Variants in DMD observed in about 807,000 individuals in gnomAD.
DMD encodes dystrophin.
Under a neutral mutation model 330.1 loss-of-function variants are expected in DMD, and 63 were observed. That is an observed-to-expected ratio of 0.19 (90% CI 0.16 to 0.24). The LOEUF is 0.24. Among genes scored for constraint, DMD ranks in the 10% least tolerant of loss-of-function variants. The probability of loss-of-function intolerance (pLI) is 1.00; values close to 1 mark genes in which losing one functional copy is unlikely to be tolerated. For missense variants in DMD, 3,344 were observed against 2,684.1 expected, an observed-to-expected ratio of 1.25 and a Z score of -5.43; for synonymous variants, 1,223 against 959.8, an observed-to-expected ratio of 1.27 and a Z score of -5.07.
intron 12 of DMD, among the ~76,000 whole-genome samples, chrX:32,597,091 G>C (rs964998486): frequency 9.0e-6 from 1 of 111,500 alleles, no homozygotes; most frequent in Admixed American, 9.6e-5. Context: ...AATGTGTCAA[G>C]CTGTTCCCTC....
chrX:32,140,078 A>T (rs969328874), intron 44 of DMD, among the ~76,000 whole-genome samples: 3 of 112,192 alleles, frequency 2.7e-5, no homozygotes, highest in African/African-American at 9.7e-5. Flanking sequence ...TCTTGTTTAC[A>T]TCCTACTTCC....
At chrX:31,953,304 G>C (rs958263577) in intron 45 of DMD, among the ~76,000 whole-genome samples, 2 of 111,856 alleles carry the variant, frequency 1.8e-5, no homozygotes, top group Admixed American at 1.9e-4. Context: ...GGTCTCCACC[G>C]TTACTGACAA....
chrX:32,071,423 C>T (rs1447869125), intron 44 of DMD, among the ~76,000 whole-genome samples: 3 of 104,618 alleles, frequency 2.9e-5, no homozygotes, highest in African/African-American at 1.1e-4. Flanking sequence ...AAACCAAACA[C>T]CGCATGTTCT....
At chrX:32,482,734 T>A (rs1218578059) in intron 21 of DMD, among the ~76,000 whole-genome samples, 3 of 111,727 alleles carry the variant, frequency 2.7e-5, no homozygotes, top group Non-Finnish European at 5.7e-5. Flanking sequence ...CTCTGAGGGT[T>A]AGGTAAAATG....
chrX:31,149,133 AT>A (rs1464316242), intron 74 of DMD, among the ~76,000 whole-genome samples: 1 of 112,249 alleles, frequency 8.9e-6, no homozygotes, highest in African/African-American at 3.2e-5. Context: ...CCCAGAATCT[AT>A]TTTTGTGCTT....
intron 55 of DMD, among the ~76,000 whole-genome samples, chrX:31,569,107 G>A (rs2075619673): frequency 9.0e-6 from 1 of 110,890 alleles, no homozygotes; most frequent in Non-Finnish European, 1.9e-5. Context: ...TGGTGTTAAA[G>A]TTTTCACTTC....
At chrX:32,429,763 A>G (rs765443955) in intron 29 of DMD, among the ~76,000 whole-genome samples, 4 of 109,723 alleles carry the variant, frequency 3.6e-5, no homozygotes, top group African/African-American at 1.3e-4. Flanking sequence ...CTCTTTCTAA[A>G]TAAAAGGGCT....
chrX:33,247,655 ATTTTG>A (rs1051585416), intron 1 of DMD, among the ~76,000 whole-genome samples: 8 of 112,008 alleles, frequency 7.1e-5, no homozygotes, highest in South Asian at 3.7e-4. Context: ...CAGAAAATAT[ATTTTG>A]TTTTAAGTTA....
Position 32,381,797 on chromosome X carries a change from A to T in DMD, c.4675-1117T>A, listed in dbSNP as rs916627057. On this transcript the variant is annotated intron_variant, in intron 33 of 78. Transcript: ENST00000357033. ...TTGGTATGTGTTTTCACCTTTTTTT[A>T]AAAAAAACCCTTGTCTGTCATGAAG... Among the ~76,000 whole-genome samples the T allele has an allele frequency of 8.1e-4, 89 of 110,460 alleles. 1 individual carries two copies. The highest frequency in any genetic ancestry group is 1.2e-3 in the Non-Finnish European group (61 of 52,446).
intron 44 of DMD, among the ~76,000 whole-genome samples, chrX:32,164,090 T>C (rs1288531093): frequency 9.0e-6 from 1 of 111,268 alleles, no homozygotes; most frequent in Non-Finnish European, 1.9e-5. Flanking sequence ...ATATCAATTT[T>C]GGCTCGGCAC....
chrX:31,141,815 G>A (rs1017422474), intron 76 of DMD, among the ~76,000 whole-genome samples: 1 of 111,660 alleles, frequency 9.0e-6, no homozygotes, highest in African/African-American at 3.3e-5. Flanking sequence ...AGAGTTGTCA[G>A]CATAGCAGAA....
At chrX:32,548,534 T>A (rs746707406) in intron 16 of DMD, among the ~76,000 whole-genome samples, 2 of 111,735 alleles carry the variant, frequency 1.8e-5, no homozygotes, top group South Asian at 7.3e-4. Context: ...GGATGGAGTA[T>A]TATATTTCAA....
At chrX:33,049,668 A>T (rs1366837741) in intron 1 of DMD, among the ~76,000 whole-genome samples, 1 of 111,166 alleles carries the variant, frequency 9.0e-6, no homozygotes, top group Admixed American at 9.6e-5. Context: ...AAACTTGGCC[A>T]CTATGGAATA....
At chrX:33,046,433 C>T (rs1490745301) in intron 1 of DMD, among the ~76,000 whole-genome samples, 1 of 111,396 alleles carries the variant, frequency 9.0e-6, no homozygotes, top group Non-Finnish European at 1.9e-5. Flanking sequence ...ATGTGCTCCC[C>T]AAAATAATTT....
chrX:32,741,684 G>A (rs558654109), intron 7 of DMD, among the ~76,000 whole-genome samples: 57 of 111,916 alleles, frequency 5.1e-4, no homozygotes, highest in African/African-American at 1.7e-3. Context: ...AAATGTGCAT[G>A]AGAGGGTCCA....
intron 1 of DMD, among the ~76,000 whole-genome samples, chrX:33,056,994 G>T (rs2148046814): frequency 9.0e-6 from 1 of 111,395 alleles, no homozygotes; most frequent in African/African-American, 3.3e-5. Flanking sequence ...CATAAAAAAT[G>T]TACTAAAGGC....
At chrX:31,290,636 T>C (rs1032926771) in intron 62 of DMD, among the ~76,000 whole-genome samples, 2 of 111,838 alleles carry the variant, frequency 1.8e-5, no homozygotes, top group Admixed American at 1.9e-4. Context: ...AAAAGTGTGT[T>C]CATATGAATA....
chrX:33,254,795 G>C (rs953861779), intron 1 of DMD, among the ~76,000 whole-genome samples: 3 of 110,265 alleles, frequency 2.7e-5, no homozygotes, highest in African/African-American at 9.8e-5. Flanking sequence ...TTGATTTCAT[G>C]AGTTAAATTT....
In DMD at chrX:32,404,335, A is replaced by G. The variant is rs141219059; in HGVS notation, c.4233+7417T>C. Among the ~76,000 whole-genome samples, 688 of 111,630 alleles carry G rather than the reference A, an allele frequency of 6.2e-3. 4 individuals carry two copies. The highest frequency in any genetic ancestry group is 0.021 in the African/African-American group (633 of 30,789). On this transcript the variant is annotated intron_variant, in intron 30 of 78. Transcript: ENST00000357033. ...TGGACTCTGGAACACCTGACGTCCT[A>G]GCTTGGTGAGCAAACCACGGCAGTA... is the stretch of plus-strand genomic sequence containing the variant.
Sources: allele counts gnomAD v4.1 joint callset (sites outside exome capture counted in the v4.1 genomes callset), GRCh38; gene constraint gnomAD v4.1.1; transcripts MANE v1.5; gene names NCBI Gene and HGNC (gene_info 2026-07-23, HGNC 2026-07-21).